Variants in NEDD4L observed in about 807,000 individuals in gnomAD.
NEDD4L encodes the protein E3 ubiquitin-protein ligase NEDD4-like.
Under a neutral mutation model 148.9 loss-of-function variants are expected in NEDD4L, and 54 were observed. The observed-to-expected ratio is 0.36, with a 90% CI of 0.29 to 0.45. The LOEUF (loss-of-function observed/expected upper bound fraction) is 0.45. NEDD4L is among the 20% of genes least tolerant of loss of function. NEDD4L has a pLI of 1.00. For missense variants in NEDD4L, 856 were observed against 1,233.8 expected, an observed-to-expected ratio of 0.69 and a Z score of 4.59; for synonymous variants, 433 against 440.7, an observed-to-expected ratio of 0.98 and a Z score of 0.22.
chr18:58,149,324 A>G, intron 1 of NEDD4L: 1 of 1,307,968 alleles, frequency 7.6e-7, no homozygotes, highest in Non-Finnish European at 9.9e-7. Flanking sequence ...TGAGCCAGTC[A>G]CAGAGGAAGC....
intron 1 of NEDD4L, among the ~76,000 whole-genome samples, chr18:58,058,825 ATACTT>A (rs951932156): frequency 1.4e-4 from 22 of 152,206 alleles, no homozygotes; most frequent in Non-Finnish European, 4.4e-5. Context: ...CTTCTACTGA[ATACTT>A]CACTGACAGC....
chr18:58,323,444 A>C, intron 8 of NEDD4L, 110 bp downstream of exon 8: 1 of 669,592 alleles, frequency 1.5e-6, no homozygotes, highest in Non-Finnish European at 2.6e-6. Context: ...AAATATAAAA[A>C]AAAGTACATA....
At chr18:58,238,664 A>G (rs1373364843) in intron 2 of NEDD4L, among the ~76,000 whole-genome samples, 1 of 152,166 alleles carries the variant, frequency 6.6e-6, no homozygotes, top group Non-Finnish European at 1.5e-5. Context: ...AGTACCTTTT[A>G]CCAGTAAATA....
intron 1 of NEDD4L, among the ~76,000 whole-genome samples, chr18:58,072,098 A>T (rs1377056686): frequency 1.3e-5 from 2 of 152,218 alleles, no homozygotes; most frequent in Admixed American, 1.3e-4. Context: ...AAATCTGAAT[A>T]GGCCAATAAC....
intron 8 of NEDD4L, among the ~76,000 whole-genome samples, 153 bp downstream of exon 8, chr18:58,323,487 T>C (rs1303403562): frequency 5.3e-5 from 8 of 152,202 alleles, no homozygotes; most frequent in Non-Finnish European, 8.8e-5. Flanking sequence ...AGTCTACCAG[T>C]GCAGTTATTT....
chr18:58,351,052 A>G lies in NEDD4L; in HGVS notation c.1708+7A>G, dbSNP rs941761117. On this transcript the variant is annotated splice_region_variant and intron_variant, in intron 18 of 30. Transcript: ENST00000400345. ...ACGTTTTATATTGATCATAGTAAGT[A>G]GGCGCTGTTATGGACACACAGGTGT... is the stretch of plus-strand genomic sequence containing the variant. The G allele has an allele frequency of 7.6e-6, 12 of 1,583,322 alleles. No individual in the cohort carries two copies. The highest frequency in any genetic ancestry group is 1.3e-5 in the African/African-American group (1 of 74,384).
intron 1 of NEDD4L, among the ~76,000 whole-genome samples, chr18:58,104,550 G>A (rs908214321): frequency 5.3e-5 from 8 of 151,994 alleles, no homozygotes; most frequent in Admixed American, 2.0e-4. Context: ...AAGATGCTTC[G>A]CTTGTATAAG....
chr18:58,229,328 C>T (rs1446905632), intron 2 of NEDD4L, among the ~76,000 whole-genome samples: 1 of 152,194 alleles, frequency 6.6e-6, no homozygotes, highest in East Asian at 1.9e-4. Context: ...TGCAGGTAGG[C>T]ATGCTCCCGG....
chr18:58,173,734 A>G (rs1387834364), intron 2 of NEDD4L, among the ~76,000 whole-genome samples: 2 of 152,238 alleles, frequency 1.3e-5, no homozygotes, highest in African/African-American at 2.4e-5. Context: ...AAACAAGAAC[A>G]TATTTCTATA....
At chr18:58,220,143 G>A (rs1468540232) in intron 2 of NEDD4L, among the ~76,000 whole-genome samples, 1 of 152,186 alleles carries the variant, frequency 6.6e-6, no homozygotes, top group Non-Finnish European at 1.5e-5. Flanking sequence ...GGCTGGGCAC[G>A]ATGGCTCATG....
intron 1 of NEDD4L, among the ~76,000 whole-genome samples, chr18:58,063,296 G>C (rs2082425944): frequency 6.6e-6 from 1 of 151,862 alleles, no homozygotes. Flanking sequence ...GGCTCAGGCA[G>C]TCATCCTGCC....
intron 1 of NEDD4L, among the ~76,000 whole-genome samples, chr18:58,116,761 C>T (rs1304372075): frequency 1.3e-5 from 2 of 152,278 alleles, no homozygotes; most frequent in African/African-American, 4.8e-5. Flanking sequence ...GCAGACTTAA[C>T]ATCCCCCATG....
intron 10 of NEDD4L, among the ~76,000 whole-genome samples, chr18:58,330,454 A>T (rs1478217113): frequency 1.3e-5 from 2 of 152,224 alleles, no homozygotes; most frequent in Non-Finnish European, 2.9e-5. Flanking sequence ...TTAAGAGCAC[A>T]GCCTCTGTCT....
At chr18:58,258,908 T>G (rs982268649) in intron 5 of NEDD4L, among the ~76,000 whole-genome samples, 1 of 152,208 alleles carries the variant, frequency 6.6e-6, no homozygotes, top group Non-Finnish European at 1.5e-5. Context: ...AACATTCACT[T>G]GGGCGTCTAC....
intron 30 of NEDD4L, 73 bp from the exon 31 acceptor site, chr18:58,396,094 C>T: frequency 1.0e-6 from 1 of 996,632 alleles, no homozygotes; most frequent in Admixed American, 1.9e-5. Flanking sequence ...CTTACTCAAA[C>T]CTCATGCCCT....
chr18:58,248,692 G>A (rs1371847531), intron 3 of NEDD4L, among the ~76,000 whole-genome samples: 1 of 151,966 alleles, frequency 6.6e-6, no homozygotes, highest in African/African-American at 2.4e-5. Context: ...GCAGTTTAAG[G>A]TTTCATACCT....
chr18:58,271,088 CTTA>C (rs1384702251), intron 5 of NEDD4L, among the ~76,000 whole-genome samples: 4 of 146,316 alleles, frequency 2.7e-5, no homozygotes, highest in Admixed American at 6.9e-5. Flanking sequence ...AATATTAGCT[CTTA>C]TTATTATTGT....
At chr18:58,296,173 C>T (rs1055758172) in intron 5 of NEDD4L, among the ~76,000 whole-genome samples, 1 of 152,132 alleles carries the variant, frequency 6.6e-6, no homozygotes, top group Non-Finnish European at 1.5e-5. Context: ...TTTGGTGGTA[C>T]CCTGATGTTT....
Position 58,256,605 on chromosome 18 carries a change from C to A in NEDD4L, c.297+4551C>A. ...GCTCCTGAAATCCGCAGGACGAACT[C>A]CGCGGAGAGGACTCCGCAGGGCCAG... is the stretch of plus-strand genomic sequence containing the variant. On this transcript the variant is annotated intron_variant, in intron 5 of 30. Transcript: ENST00000400345. This position sits in a 1 kb window ranked among gnomAD's most constrained non-coding sequence, Gnocchi z 5.2. 4 of 1,232,266 alleles carry A rather than the reference C, an allele frequency of 3.2e-6. No individual in the cohort carries two copies. The highest frequency in any genetic ancestry group is 3.0e-6 in the Non-Finnish European group (3 of 988,042). The allele number at this position is 1,232,266 out of a possible 1,614,324, so 76.3% of individuals were successfully genotyped here.
Sources: allele counts gnomAD v4.1 joint callset (sites outside exome capture counted in the v4.1 genomes callset), GRCh38; gene constraint gnomAD v4.1.1; non-coding constraint Gnocchi (gnomAD v3.1); transcripts MANE v1.5; gene names NCBI Gene and HGNC (gene_info 2026-07-23, HGNC 2026-07-21).